The following SLC28A2 variants were observed in gnomAD, a reference collection of about 807,000 sequenced individuals.
SLC28A2 encodes solute carrier family 28 member 2.
A neutral mutation model predicts 72.9 loss-of-function variants in SLC28A2; 69 were observed. That is an observed-to-expected ratio of 0.95 (90% CI 0.78 to 1.16). The LOEUF is 1.16. Among genes scored for constraint, SLC28A2 ranks in the 50% most tolerant of loss-of-function variants. SLC28A2 has a pLI of 0.00. For synonymous variants in SLC28A2, 296 were observed against 294.1 expected (o/e 1.01, Z -0.07); for missense variants, 745 against 791.1 (o/e 0.94, Z 0.70).
rs567096708 is a variant in SLC28A2 at position 45,253,250 on chromosome 15, T to C, written c.35T>C (p.Leu12Pro). ...EKASGRQSIA[L>P]STVETGTVNP... is the part of the protein sequence containing the mutation. ...GCAAGTGGAAGACAGTCCATTGCTC[T>C]GTCCACAGTGGAGACTGGCACAGTG... The change falls in exon 2 of 18, where the codon CTG becomes CCG. Residue 12 changes from leucine to proline, a missense_variant. Coordinates refer to ENST00000347644, the MANE Select transcript of SLC28A2 (RefSeq NM_004212.4). The C allele has an allele frequency of 4.3e-5, 69 of 1,613,900 alleles. No homozygotes were observed. In the South Asian group the frequency reaches 6.5e-4, roughly 15 times the overall value.
chr15:45,267,858 G>A, intron 12 of SLC28A2, 62 bp downstream of exon 12: 3 of 1,588,852 alleles, frequency 1.9e-6, no homozygotes, highest in Non-Finnish European at 2.6e-6. Flanking sequence ...TGGCACTGTG[G>A]TGGCAGAGAC....
intron 3 of SLC28A2, among the ~76,000 whole-genome samples, chr15:45,261,474 A>G (rs936600883): frequency 1.3e-5 from 2 of 152,228 alleles, no homozygotes; most frequent in African/African-American, 4.8e-5. Context: ...AAAGCACTAT[A>G]TACATGTTTG....
At position 45,267,556 on chromosome 15, in the gene SLC28A2, G is replaced by C. The variant is rs756225881; in HGVS notation, c.1044G>C (p.Val348=). The C allele has an allele frequency of 6.2e-7, 1 of 1,614,174 alleles. No homozygotes were observed. Among genetic ancestry groups the C allele is most frequent in the Non-Finnish European group, 8.5e-7 (1 of 1,180,022 alleles). ...TGGFATISGT[V]LGAFIAFGVD... is the part of the protein sequence containing the mutation. ...GGTTTGCCACCATTTCTGGCACTGT[G>C]CTGGGAGCCTTCATAGCCTTTGGGG... The change falls in exon 11 of 18, where the codon GTG becomes GTC. Residue 348 remains valine (V), a synonymous_variant. Transcript: ENST00000347644.
intron 3 of SLC28A2, among the ~76,000 whole-genome samples, chr15:45,256,908 T>C (rs1429584263): frequency 6.6e-6 from 1 of 152,132 alleles, no homozygotes; most frequent in Non-Finnish European, 1.5e-5. Flanking sequence ...AGCTCTCCAG[T>C]TGCTCCTGAA....
At chr15:45,257,544 C>T (rs1190157959) in intron 3 of SLC28A2, among the ~76,000 whole-genome samples, 2 of 152,172 alleles carry the variant, frequency 1.3e-5, no homozygotes, top group Non-Finnish European at 2.9e-5. Flanking sequence ...ATCTAGATAA[C>T]AGACTTTGTA....
At chr15:45,272,495 G>A in intron 16 of SLC28A2, 102 bp downstream of exon 16, 3 of 945,202 alleles carry the variant, frequency 3.2e-6, no homozygotes, top group Non-Finnish European at 5.0e-6. Context: ...GGGCAACAAA[G>A]ATTACTTCCC....
chr15:45,273,694 G>A (rs1007901799), intron 17 of SLC28A2, among the ~76,000 whole-genome samples: 1 of 152,218 alleles, frequency 6.6e-6, no homozygotes, highest in African/African-American at 2.4e-5. Context: ...AATAGTCCTA[G>A]TGAGAGATGG....
intron 5 of SLC28A2, 68 bp from the exon 6 acceptor site, chr15:45,263,813 G>C (rs1285326590): frequency 6.7e-7 from 1 of 1,482,222 alleles, no homozygotes; most frequent in African/African-American, 1.4e-5. Context: ...ATAACTTTCA[G>C]ACTCTCTGTA....
chr15:45,272,488 C>A, intron 16 of SLC28A2, 95 bp downstream of exon 16: 1 of 1,003,186 alleles, frequency 1.0e-6, no homozygotes, highest in East Asian at 2.4e-5. Context: ...AGTACAGGGG[C>A]AACAAAGATT....
chr15:45,267,846 A>G, intron 12 of SLC28A2, 50 bp downstream of exon 12: 1 of 1,607,060 alleles, frequency 6.2e-7, no homozygotes, highest in Non-Finnish European at 8.5e-7. Flanking sequence ...TGTAGTTAAG[A>G]GTGGCACTGT....
At chr15:45,273,656 G>A (rs148975994) in intron 17 of SLC28A2, among the ~76,000 whole-genome samples, 19 of 152,310 alleles carry the variant, frequency 1.2e-4, no homozygotes, top group African/African-American at 4.6e-4. Context: ...CATTTGAATG[G>A]CAAGGAGACC....
At chr15:45,271,608 G>GGAAGGAAA (rs1900574906) in intron 15 of SLC28A2, among the ~76,000 whole-genome samples, 1 of 151,176 alleles carries the variant, frequency 6.6e-6, no homozygotes, top group Non-Finnish European at 1.5e-5. Context: ...AAGGAAGGAA[G>GGAAGGAAA]GAAGGAAGGA....
At position 45,267,344 on chromosome 15, in the gene SLC28A2, C is replaced by T. The variant is rs1284515131; in HGVS notation, c.943-111C>T. 5 of 1,181,822 alleles carry T rather than the reference C, an allele frequency of 4.2e-6. No individual in the cohort carries two copies. The African/African-American group carries it at 7.5e-5, about 18-fold the overall frequency. 73.2% of individuals were successfully genotyped at this position (1,181,822 alleles called of 1,614,324 possible). ...AAGCTGTGGCTCACTTAACAGTGCT[C>T]ACACTGGATGGATGTGTATCTAGTG... On this transcript the variant is annotated intron_variant, in intron 10 of 17. Coordinates refer to ENST00000347644, the MANE Select transcript of SLC28A2 (RefSeq NM_004212.4).
Position 45,275,343 on chromosome 15 carries a change from GT to G in SLC28A2, c.1860-51del, listed in dbSNP as rs1373457410. Reference sequence around the variant, plus strand: ...TTAGTATAACTTATTGATATGTTTTGTTGCTTTGTTCCTGTCTGACCCCTTA... The same window carrying G: ...TTAGTATAACTTATTGATATGTTTTGTGCTTTGTTCCTGTCTGACCCCTTA... On this transcript the variant is annotated intron_variant, in intron 17 of 17. Transcript: ENST00000347644. 3 of 1,029,468 alleles carry G rather than the reference GT, an allele frequency of 2.9e-6. No homozygotes were observed. The East Asian group carries it at 7.1e-5, about 24-fold the overall frequency. The allele number at this position is 1,029,468 out of a possible 1,614,324, so 63.8% of individuals were successfully genotyped here. A position where few individuals can be genotyped will look rare whatever the true frequency, so the allele number is the denominator to read the frequency against.
At chr15:45,260,911 C>T (rs779655856) in intron 3 of SLC28A2, among the ~76,000 whole-genome samples, 7 of 152,186 alleles carry the variant, frequency 4.6e-5, no homozygotes, top group Non-Finnish European at 1.0e-4. Flanking sequence ...CTCTGCTCAG[C>T]TAACACAGGG....
chr15:45,272,244 T>A, intron 15 of SLC28A2, 51 bp from the exon 16 acceptor site: 1 of 1,489,148 alleles, frequency 6.7e-7, no homozygotes, highest in Non-Finnish European at 9.3e-7. Context: ...GGGATATACC[T>A]GATTGCCTTG....
At position 45,254,503 on chromosome 15, in the gene SLC28A2, A is replaced by G. The variant is rs142282858; in HGVS notation, c.170+983A>G. On this transcript the variant is annotated intron_variant, in intron 3 of 17. Coordinates refer to ENST00000347644, the MANE Select transcript of SLC28A2 (RefSeq NM_004212.4). ...ACAGAAACATGCTGAACAGATTTGCAGCCTAAGAATAATAGGATCCACCAT... is the reference window on the plus strand; with the variant it reads ...ACAGAAACATGCTGAACAGATTTGCGGCCTAAGAATAATAGGATCCACCAT... Among the ~76,000 whole-genome samples the G allele has an allele frequency of 1.3e-3, 194 of 152,338 alleles. 1 individual carries two copies. The highest frequency in any genetic ancestry group is 4.3e-3 in the African/African-American group (177 of 41,592).
rs1293115454 is a variant in SLC28A2 at position 45,275,760 on chromosome 15, C to A, written c.*247C>A. ...ACCATCCTGGCTAACACAGTGAAAC[C>A]CCGTCTCTACTAAAAATACAAAAAA... is the stretch of plus-strand genomic sequence containing the variant. On this transcript the variant is annotated 3_prime_UTR_variant, in exon 18 of 18. Coordinates refer to ENST00000347644, the MANE Select transcript of SLC28A2 (RefSeq NM_004212.4). The A allele has an allele frequency of 1.1e-5, 3 of 277,866 alleles. No homozygotes were observed. Among genetic ancestry groups the A allele is most frequent in the East Asian group, 7.3e-5 (1 of 13,684 alleles). 17.2% of individuals were successfully genotyped at this position (277,866 alleles called of 1,614,324 possible). A position where few individuals can be genotyped will look rare whatever the true frequency, so the allele number is the denominator to read the frequency against.
At position 45,272,683 on chromosome 15, in the gene SLC28A2, T is replaced by C. The variant is rs760934191; in HGVS notation, c.1758T>C (p.Tyr586=). The stretch of plus-strand genomic sequence containing the variant: ...GTCTCCTTTATCCAGGAATCCTCTA[T>C]GTCCCCAGGGGAGCTGAAGCTGACT... ...LISACMAGIL[Y]VPRGAEADCV... is the part of the protein sequence containing the mutation. Residue 586 remains tyrosine (Y), a synonymous_variant, in exon 17 of 18, where the codon TAT becomes TAC. Transcript: ENST00000347644. 2 of 1,590,600 alleles carry C rather than the reference T, an allele frequency of 1.3e-6. No individual in the cohort carries two copies. Among genetic ancestry groups the C allele is most frequent in the Admixed American group, 3.3e-5 (2 of 59,974 alleles).
Sources: allele counts gnomAD v4.1 joint callset (sites outside exome capture counted in the v4.1 genomes callset), GRCh38; gene constraint gnomAD v4.1.1; transcripts MANE v1.5; gene names NCBI Gene and HGNC (gene_info 2026-07-23, HGNC 2026-07-21).